The following AARS1 variants were observed in gnomAD, a reference collection of about 807,000 sequenced individuals.
The protein encoded by AARS1 is alanine--tRNA ligase, cytoplasmic.
Under a neutral mutation model 108.9 loss-of-function variants are expected in AARS1, and 72 were observed. That is an observed-to-expected ratio of 0.66 (90% CI 0.55 to 0.80). The LOEUF is 0.80. AARS1 is among the 30% of genes least tolerant of loss of function. AARS1 has a pLI of 0.00. For synonymous variants in AARS1, 489 were observed against 465.7 expected, an observed-to-expected ratio of 1.05 and a Z score of -0.64; for missense variants, 1,193 against 1,233.2, an observed-to-expected ratio of 0.97 and a Z score of 0.49.
chr16:70,283,126 C>T (rs1960744682), intron 1 of AARS1, among the ~76,000 whole-genome samples: 1 of 152,144 alleles, frequency 6.6e-6, no homozygotes, highest in African/African-American at 2.4e-5. Flanking sequence ...CAGCCAGGCA[C>T]GATGGCTCAC....
chr16:70,253,846 G>GC (rs751391874), intron 18 of AARS1, 46 bp from the exon 19 acceptor site: 1 of 1,614,178 alleles, frequency 6.2e-7, no homozygotes, highest in South Asian at 1.1e-5. Flanking sequence ...AAAAGCCCAG[G>GC]CCCCGAACCC....
At position 70,252,754 on chromosome 16, in the gene AARS1, G is replaced by C; in HGVS notation, c.2874C>G (p.Phe958Leu). 6.2e-7 allele frequency: 1 copy of C among 1,614,164 alleles called. No homozygotes were observed. The highest frequency in any genetic ancestry group is 8.5e-7 in the Non-Finnish European group (1 of 1,180,044). ...TTACATCCCCGAGGCGCAGCTGGGC[G>C]AAGGAAGTGGCCAGCTGCAGCGCCT... is the stretch of plus-strand genomic sequence containing the variant. ...LQEALQLATS[F>L]AQLRLGDVKN The change falls in exon 21 of 21, where the codon TTC becomes TTG. Residue 958 changes from phenylalanine to leucine, a missense_variant. Transcript: ENST00000261772.
intron 2 of AARS1, among the ~76,000 whole-genome samples, chr16:70,277,434 T>C (rs1002109269): frequency 1.3e-5 from 2 of 152,066 alleles, no homozygotes; most frequent in Non-Finnish European, 2.9e-5. Flanking sequence ...CAGCCACAGG[T>C]TGATGTGGTA....
chr16:70,254,691 A>C lies in AARS1; in HGVS notation c.2330T>G (p.Met777Arg). 1 of 1,614,098 alleles carries C rather than the reference A, an allele frequency of 6.2e-7. No homozygotes were observed. Among genetic ancestry groups the C allele is most frequent in the Non-Finnish European group, 8.5e-7 (1 of 1,179,966 alleles). Residue 777 changes from methionine to arginine, a missense_variant, in exon 17 of 21, where the codon ATG (methionine) becomes AGG (arginine). Coordinates refer to ENST00000261772, the MANE Select transcript of AARS1 (RefSeq NM_001605.3). ...AESLKKCLSVMEAKVKAQTAP... is the reference protein window; with the variant it reads ...AESLKKCLSVREAKVKAQTAP... Reference sequence around the variant, plus strand: ...AGTCTGAGCCTTCACTTTGGCTTCCATGACAGAGAGACATTTCTTCAAGCT... The same window carrying C: ...AGTCTGAGCCTTCACTTTGGCTTCCCTGACAGAGAGACATTTCTTCAAGCT...
At chr16:70,286,475 C>T (rs1960843497) in intron 1 of AARS1, among the ~76,000 whole-genome samples, 1 of 151,824 alleles carries the variant, frequency 6.6e-6, no homozygotes, top group Admixed American at 6.6e-5. Flanking sequence ...TTCCTCCCAC[C>T]TCAGCCTCCG....
chr16:70,265,495 T>C (rs998961646), intron 10 of AARS1, 43 bp downstream of exon 10: 5 of 1,612,588 alleles, frequency 3.1e-6, no homozygotes, highest in Middle Eastern at 1.7e-4. Context: ...TGGTGCTGGG[T>C]TGGAAGGTGT....
chr16:70,267,959 G>T (rs940410131), intron 8 of AARS1, 150 bp from the exon 9 acceptor site: 2 of 1,095,546 alleles, frequency 1.8e-6, no homozygotes, highest in African/African-American at 3.1e-5. Context: ...CCTGAGCTCA[G>T]GAGTTCAAGA....
At chr16:70,273,795 G>A (rs562211406) in intron 4 of AARS1, among the ~76,000 whole-genome samples, 4 of 147,746 alleles carry the variant, frequency 2.7e-5, no homozygotes, top group African/African-American at 5.0e-5. Context: ...CCCGGGAGGC[G>A]GAGCTTGCAG....
Position 70,255,795 on chromosome 16 carries a change from A to G in AARS1, c.2219T>C (p.Val740Ala). ...ACCCTTGGCAATGGCTTCTTCCGTC[A>G]CGATCACAAAAGCTCCTGCATGACT... ...NSSHAGAFVI[V>A]TEEAIAKGIR... The change falls in exon 16 of 21, where the codon GTG (valine) becomes GCG (alanine). Residue 740 changes from valine (V) to alanine (A), a missense_variant. Physicochemically the swap from Val to Ala is moderately conservative, Grantham distance 64. Transcript: ENST00000261772. 1 of 1,614,182 alleles carries G rather than the reference A, an allele frequency of 6.2e-7. No homozygotes were observed. The highest frequency in any genetic ancestry group is 1.3e-5 in the African/African-American group (1 of 75,060).
intron 12 of AARS1, 23 bp downstream of exon 12, chr16:70,262,314 CCTCGGCTAA>C: frequency 6.2e-7 from 1 of 1,614,054 alleles, no homozygotes; most frequent in Non-Finnish European, 8.5e-7. Context: ...GCCTGGCCCT[CCTCGGCTAA>C]CAAGGAAGAA....
chr16:70,287,020 G>A (rs1448057672), intron 1 of AARS1, among the ~76,000 whole-genome samples: 1 of 151,712 alleles, frequency 6.6e-6, no homozygotes, highest in Non-Finnish European at 1.5e-5. Flanking sequence ...GGGAGGCCGA[G>A]GCGGGCGGAT....
intron 17 of AARS1, 26 bp downstream of exon 17, chr16:70,254,595 G>GACGGA: frequency 6.7e-7 from 1 of 1,493,640 alleles, no homozygotes; most frequent in South Asian, 1.1e-5. Flanking sequence ...AGGCCCTGAG[G>GACGGA]ACGGAGGGAG....
Position 70,259,157 on chromosome 16 carries a change from G to A in AARS1, c.1815C>T (p.His605=), listed in dbSNP as rs1456469605. The change falls in exon 14 of 21, where the codon CAC becomes CAT. Residue 605 remains histidine, a synonymous_variant. Coordinates refer to ENST00000261772, the MANE Select transcript of AARS1 (RefSeq NM_001605.3). ...CGAAGTTCAGAATGTGCGTAGCTGT[G>A]TGGTTGCTCATGATGGGTCTTCGTC... ...EPRRRPIMSN[H]TATHILNFAL... is the part of the protein sequence containing the mutation. The A allele has an allele frequency of 6.2e-7, 1 of 1,614,180 alleles. No homozygotes were observed. The highest frequency in any genetic ancestry group is 8.5e-7 in the Non-Finnish European group (1 of 1,180,044).
Position 70,276,466 on chromosome 16 carries a change from G to C in AARS1, c.479+20C>G. Reference sequence around the variant, plus strand: ...TCATTTCACTCCTCCATACTCTCAAGAAGTGATGTGCATTCTTACCCCAAA... The same window carrying C: ...TCATTTCACTCCTCCATACTCTCAACAAGTGATGTGCATTCTTACCCCAAA... On this transcript the variant is annotated intron_variant, in intron 4 of 20. Transcript: ENST00000261772. 2 of 1,613,380 alleles carry C rather than the reference G, an allele frequency of 1.2e-6. No homozygotes were observed. The highest frequency in any genetic ancestry group is 1.7e-6 in the Non-Finnish European group (2 of 1,179,656).
intron 8 of AARS1, 142 bp from the exon 9 acceptor site, chr16:70,267,951 T>G: frequency 8.5e-7 from 1 of 1,182,262 alleles, no homozygotes; most frequent in Middle Eastern, 2.7e-4. Context: ...GTGGATTGCC[T>G]GAGCTCAGGA....
At chr16:70,288,100 T>TC (rs1293339314) in intron 1 of AARS1, among the ~76,000 whole-genome samples, 56 of 46,408 alleles carry the variant, frequency 1.2e-3, no homozygotes, top group African/African-American at 4.6e-3. Context: ...CCCTTCTTCT[T>TC]TTTTTTTTTT....
intron 4 of AARS1, 105 bp downstream of exon 4, chr16:70,276,381 C>A: frequency 7.5e-7 from 1 of 1,334,538 alleles, no homozygotes; most frequent in Non-Finnish European, 1.1e-6. Flanking sequence ...TCAAAAGGAA[C>A]CCTGAGATGC....
intron 7 of AARS1, 150 bp from the exon 8 acceptor site, chr16:70,268,529 G>A: frequency 1.5e-6 from 1 of 650,058 alleles, no homozygotes; most frequent in Admixed American, 2.7e-5. Flanking sequence ...ATTAATTTTA[G>A]CACAAGACTC....
chr16:70,272,778 T>TGG (rs11418378), intron 4 of AARS1, among the ~76,000 whole-genome samples: 17 of 150,066 alleles, frequency 1.1e-4, no homozygotes, highest in South Asian at 6.3e-4. Context: ...AAAAATTAGC[T>TGG]GGGGGGGTGA....
Sources: allele counts gnomAD v4.1 joint callset (sites outside exome capture counted in the v4.1 genomes callset), GRCh38; gene constraint gnomAD v4.1.1; transcripts MANE v1.5; gene names NCBI Gene and HGNC (gene_info 2026-07-23, HGNC 2026-07-21).